The following SSH2 variants were observed in gnomAD, a reference collection of about 807,000 sequenced individuals.
SSH2 encodes the protein slingshot protein phosphatase 2.
A neutral mutation model predicts 135.2 loss-of-function variants in SSH2; 37 were observed. That is an observed-to-expected ratio of 0.27 (90% CI 0.21 to 0.36). SSH2 has a LOEUF of 0.36. Ranked by LOEUF, SSH2 falls within the 10% of genes least tolerant of loss-of-function variation. SSH2 has a pLI of 1.00. For synonymous variants in SSH2, 628 were observed against 646.2 expected, an observed-to-expected ratio of 0.97 and a Z score of 0.43; for missense variants, 1,408 against 1,765.3, an observed-to-expected ratio of 0.80 and a Z score of 3.63.
chr17:29,900,115 T>A (rs1019140410), intron 1 of SSH2, among the ~76,000 whole-genome samples: 1 of 152,176 alleles, frequency 6.6e-6, no homozygotes, highest in Non-Finnish European at 1.5e-5. Flanking sequence ...TCCTTACACC[T>A]TATACAAAAA....
intron 3 of SSH2, among the ~76,000 whole-genome samples, chr17:29,769,676 C>CCTGACCTCCAGTG (rs2041524947): frequency 6.6e-6 from 1 of 152,138 alleles, no homozygotes; most frequent in Admixed American, 6.6e-5. Context: ...CCAGTATTAT[C>CCTGACCTCCAGTG]ATTCCTTGTT....
intron 3 of SSH2, among the ~76,000 whole-genome samples, chr17:29,733,025 G>GA (rs71360719): frequency 3.0e-4 from 45 of 151,308 alleles, no homozygotes; most frequent in African/African-American, 9.7e-4. Context: ...CTGGGAAATG[G>GA]AAAAAAAACA....
intron 1 of SSH2, among the ~76,000 whole-genome samples, chr17:29,892,549 A>T (rs917534168): frequency 6.6e-6 from 1 of 152,148 alleles, no homozygotes; most frequent in Non-Finnish European, 1.5e-5. Context: ...TACAAAGTAG[A>T]CCCAAGTTGG....
intron 1 of SSH2, among the ~76,000 whole-genome samples, chr17:29,861,197 T>G (rs1427277456): frequency 6.6e-6 from 1 of 152,272 alleles, no homozygotes; most frequent in Non-Finnish European, 1.5e-5. Flanking sequence ...CTGTTGATAG[T>G]TTCTTTTGCT....
chr17:29,880,331 G>A (rs1452960955), intron 1 of SSH2, among the ~76,000 whole-genome samples: 1 of 152,028 alleles, frequency 6.6e-6, no homozygotes, highest in African/African-American at 2.4e-5. Context: ...GCCTAGGCTG[G>A]TCTCAAACTA....
chr17:29,646,304 G>C (rs2036366675), intron 14 of SSH2, among the ~76,000 whole-genome samples: 1 of 152,078 alleles, frequency 6.6e-6, no homozygotes, highest in African/African-American at 2.4e-5. Context: ...TACCGATATA[G>C]GAAGACATTC....
chr17:29,845,266 T>A (rs976610645), intron 2 of SSH2, among the ~76,000 whole-genome samples: 1 of 152,196 alleles, frequency 6.6e-6, no homozygotes, highest in African/African-American at 2.4e-5. Flanking sequence ...AACTAAGTAA[T>A]GGAGATTTCA....
intron 1 of SSH2, among the ~76,000 whole-genome samples, chr17:29,876,704 A>G (rs1599129584): frequency 6.6e-6 from 1 of 152,204 alleles, no homozygotes; most frequent in Non-Finnish European, 1.5e-5. Context: ...CTCTCACCAC[A>G]TAAAAAATCA....
chr17:29,822,821 T>A (rs1481063314), intron 2 of SSH2, among the ~76,000 whole-genome samples: 1 of 152,190 alleles, frequency 6.6e-6, no homozygotes, highest in Admixed American at 6.5e-5. Context: ...TTATCACTAA[T>A]AAGGTAGGGA....
intron 2 of SSH2, among the ~76,000 whole-genome samples, chr17:29,817,828 G>A (rs2042584499): frequency 6.6e-6 from 1 of 152,120 alleles, no homozygotes. Context: ...TGAGATCATG[G>A]CTCACTACAG....
intron 3 of SSH2, among the ~76,000 whole-genome samples, chr17:29,705,909 A>T (rs2039181366): frequency 2.0e-5 from 3 of 152,208 alleles, no homozygotes; most frequent in African/African-American, 7.2e-5. Context: ...ATAAACTAAA[A>T]TTATATTTAT....
chr17:29,665,174 G>C (rs753967327), intron 11 of SSH2, among the ~76,000 whole-genome samples: 3 of 152,156 alleles, frequency 2.0e-5, no homozygotes, highest in Non-Finnish European at 4.4e-5. Flanking sequence ...ACAAGAGCAG[G>C]ATATATCTGA....
chr17:29,671,807 T>C, intron 9 of SSH2, 128 bp downstream of exon 9: 2 of 795,320 alleles, frequency 2.5e-6, no homozygotes, highest in Non-Finnish European at 4.0e-6. Flanking sequence ...ACACGTGCTA[T>C]TCACAATGAC....
At chr17:29,879,980 T>TA (rs971430356) in intron 1 of SSH2, among the ~76,000 whole-genome samples, 1 of 151,944 alleles carries the variant, frequency 6.6e-6, no homozygotes, top group Non-Finnish European at 1.5e-5. Flanking sequence ...GAGACTCAAA[T>TA]AAAAAAAAGA....
At chr17:29,743,346 A>G (rs1013168792) in intron 3 of SSH2, among the ~76,000 whole-genome samples, 1 of 151,944 alleles carries the variant, frequency 6.6e-6, no homozygotes, top group Non-Finnish European at 1.5e-5. Flanking sequence ...ATTGCCATAA[A>G]GAAGAGCACT....
intron 5 of SSH2, among the ~76,000 whole-genome samples, chr17:29,690,857 G>T (rs1294574566): frequency 6.6e-6 from 1 of 151,398 alleles, no homozygotes; most frequent in African/African-American, 2.4e-5. Flanking sequence ...GTTACAAAAA[G>T]GTATTTCTAT....
At chr17:29,760,678 G>C (rs1190148725) in intron 3 of SSH2, among the ~76,000 whole-genome samples, 1 of 151,950 alleles carries the variant, frequency 6.6e-6, no homozygotes, top group East Asian at 1.9e-4. Flanking sequence ...CAACCAGCAG[G>C]AGCGAAGAAT....
chr17:29,808,773 T>C (rs189419165), intron 2 of SSH2, among the ~76,000 whole-genome samples: 1 of 152,294 alleles, frequency 6.6e-6, no homozygotes, highest in East Asian at 1.9e-4. Flanking sequence ...CTCAGCAGGC[T>C]GAGGAGCTGT....
chr17:29,754,950 C>T (rs537533084), intron 3 of SSH2, among the ~76,000 whole-genome samples: 4 of 152,330 alleles, frequency 2.6e-5, no homozygotes, highest in Admixed American at 6.5e-5. Context: ...TGAGCCACTG[C>T]ACCCAGCCGG....
Sources: gnomAD v4.1 joint callset for allele counts (sites outside exome capture counted in the v4.1 genomes callset) on GRCh38, gnomAD v4.1.1 for gene constraint, MANE v1.5 for transcripts, NCBI Gene and HGNC (gene_info 2026-07-23, HGNC 2026-07-21) for gene names.